Variants in SEMA5A observed in about 807,000 individuals in gnomAD.
SEMA5A encodes the protein semaphorin-5A.
A neutral mutation model predicts 135.5 loss-of-function variants in SEMA5A; 55 were observed. That is an observed-to-expected ratio of 0.41 (90% CI 0.33 to 0.51). The LOEUF (loss-of-function observed/expected upper bound fraction) is 0.51, where lower values mean the gene tolerates loss of function less well. Ranked by LOEUF, SEMA5A falls within the 20% of genes least tolerant of loss-of-function variation. The pLI, the probability that SEMA5A is intolerant of heterozygous loss-of-function variation, is 0.37. For synonymous variants in SEMA5A, 580 were observed against 546.5 expected, an observed-to-expected ratio of 1.06 and a Z score of -0.85; for missense variants, 1,290 against 1,419.9, an observed-to-expected ratio of 0.91 and a Z score of 1.47.
chr5:9,334,479 C>T (rs1316702389), intron 4 of SEMA5A, among the ~76,000 whole-genome samples: 3 of 152,228 alleles, frequency 2.0e-5, no homozygotes. Flanking sequence ...CATATGCACA[C>T]GTATGCGAAA....
Position 9,135,840 on chromosome 5 carries a change from A to C in SEMA5A, c.1599+664T>G, listed in dbSNP as rs189063267. On this transcript the variant is annotated intron_variant, in intron 13 of 22. Transcript: ENST00000382496. The stretch of plus-strand genomic sequence containing the variant: ...AACCCTCCAAAAACAAACAAACAAA[A>C]AAAAAGCAAAAAATATTCTAAGTAC... Among the ~76,000 whole-genome samples the C allele has an allele frequency of 1.6e-3, 242 of 152,346 alleles. 1 individual carries two copies. Among genetic ancestry groups the C allele is most frequent in the African/African-American group, 4.6e-3 (193 of 41,574 alleles).
chr5:9,170,805 T>C (rs954031887), intron 11 of SEMA5A, among the ~76,000 whole-genome samples: 4 of 152,194 alleles, frequency 2.6e-5, no homozygotes, highest in Admixed American at 1.3e-4. Context: ...TAGTTTTTTA[T>C]AGCAGCCAGG....
At chr5:9,244,794 C>G (rs1050472406) in intron 5 of SEMA5A, among the ~76,000 whole-genome samples, 4 of 152,190 alleles carry the variant, frequency 2.6e-5, no homozygotes, top group Non-Finnish European at 5.9e-5. Context: ...CTTGGCAGCC[C>G]TTGAGCTGGT....
At chr5:9,339,165 C>T (rs957937476) in intron 3 of SEMA5A, among the ~76,000 whole-genome samples, 1 of 152,052 alleles carries the variant, frequency 6.6e-6, no homozygotes, top group Non-Finnish European at 1.5e-5. Context: ...ATAATCCTTC[C>T]AGGACTTTAT....
intron 18 of SEMA5A, among the ~76,000 whole-genome samples, chr5:9,054,668 C>T (rs1386647028): frequency 6.6e-6 from 1 of 152,156 alleles, no homozygotes; most frequent in African/African-American, 2.4e-5. Flanking sequence ...CTCACCTTTG[C>T]CATCTAACTA....
chr5:9,191,868 C>A (rs969059153), intron 10 of SEMA5A, among the ~76,000 whole-genome samples: 23 of 151,012 alleles, frequency 1.5e-4, no homozygotes, highest in Admixed American at 1.2e-3. Context: ...GGGCTCAGCC[C>A]TGCCATGACC....
intron 3 of SEMA5A, among the ~76,000 whole-genome samples, chr5:9,353,498 G>A (rs534705996): frequency 6.6e-6 from 1 of 152,152 alleles, no homozygotes; most frequent in Non-Finnish European, 1.5e-5. Context: ...GACTCCAGAA[G>A]AGTAGAGGGT....
At chr5:9,352,513 G>T (rs1450155823) in intron 3 of SEMA5A, among the ~76,000 whole-genome samples, 1 of 152,144 alleles carries the variant, frequency 6.6e-6, no homozygotes, top group Non-Finnish European at 1.5e-5. Flanking sequence ...GCCTCCCAAA[G>T]TGCTGGAATT....
intron 5 of SEMA5A, among the ~76,000 whole-genome samples, chr5:9,245,377 G>A (rs1417648388): frequency 5.3e-5 from 8 of 152,122 alleles, no homozygotes; most frequent in African/African-American, 1.9e-4. Context: ...GTAGATAAGA[G>A]AGGGACTACC....
intron 2 of SEMA5A, among the ~76,000 whole-genome samples, chr5:9,386,916 G>A (rs1375419129): frequency 3.3e-5 from 5 of 152,200 alleles, no homozygotes; most frequent in Non-Finnish European, 5.9e-5. Flanking sequence ...CCATTGTGAG[G>A]TGGCTTAGGC....
chr5:9,184,443 T>C (rs1744699555), intron 11 of SEMA5A, among the ~76,000 whole-genome samples: 1 of 152,200 alleles, frequency 6.6e-6, no homozygotes, highest in Non-Finnish European at 1.5e-5. Flanking sequence ...GGCACAAGTT[T>C]TTAGCTCCAC....
chr5:9,272,812 T>C (rs183299397), intron 5 of SEMA5A, among the ~76,000 whole-genome samples: 1 of 152,050 alleles, frequency 6.6e-6, no homozygotes, highest in South Asian at 2.1e-4. Context: ...AGGAATGGTA[T>C]CAACATCAAC....
intron 11 of SEMA5A, among the ~76,000 whole-genome samples, chr5:9,168,296 C>G (rs1259352402): frequency 1.3e-5 from 2 of 152,142 alleles, no homozygotes; most frequent in Non-Finnish European, 2.9e-5. Context: ...GGACCATCGT[C>G]AATCATTAAC....
At chr5:9,491,754 C>T (rs1735017262) in intron 1 of SEMA5A, among the ~76,000 whole-genome samples, 1 of 152,138 alleles carries the variant, frequency 6.6e-6, no homozygotes, top group Non-Finnish European at 1.5e-5. Context: ...TGTTGTATTA[C>T]CACTAACATT....
intron 1 of SEMA5A, among the ~76,000 whole-genome samples, chr5:9,518,512 T>C (rs1736645519): frequency 6.6e-6 from 1 of 152,236 alleles, no homozygotes; most frequent in Non-Finnish European, 1.5e-5. Context: ...ATATCCTATT[T>C]AAAGGTTGAA....
rs546571858 is a variant in SEMA5A at position 9,204,652 on chromosome 5, A to G, written c.647-2412T>C. ...GACACTAAAGCCCAGAGATTTAATAACTTGTCCAAATTCACATAACTAGCA... is the reference window on the plus strand; with the variant it reads ...GACACTAAAGCCCAGAGATTTAATAGCTTGTCCAAATTCACATAACTAGCA... On this transcript the variant is annotated intron_variant, in intron 8 of 22. Coordinates refer to ENST00000382496, the MANE Select transcript of SEMA5A (RefSeq NM_003966.3). The surrounding 1 kb of genome is among the most constrained non-coding windows in gnomAD (Gnocchi z 6.4). Among the ~76,000 whole-genome samples, 2 of 152,262 alleles carry G rather than the reference A, an allele frequency of 1.3e-5. No homozygotes were observed. Among genetic ancestry groups the G allele is most frequent in the African/African-American group, 2.4e-5 (1 of 41,550 alleles).
rs187970887 is a variant in SEMA5A at position 9,432,232 on chromosome 5, G to A, written c.-78+5524C>T. On this transcript the variant is annotated intron_variant, in intron 2 of 22. Coordinates refer to ENST00000382496, the MANE Select transcript of SEMA5A (RefSeq NM_003966.3). The stretch of plus-strand genomic sequence containing the variant: ...TTTCCATCAGGCTGAGTACACAATC[G>A]GATGGGACTCAGGAGTGGTGTCTAC... 1.2e-4 allele frequency among the ~76,000 whole-genome samples: 19 copies of A among 152,250 alleles called. No homozygotes were observed. In the East Asian group the frequency reaches 1.5e-3, roughly 12 times the overall value.
chr5:9,430,118 T>C (rs1399080294), intron 2 of SEMA5A, among the ~76,000 whole-genome samples: 1 of 152,078 alleles, frequency 6.6e-6, no homozygotes, highest in Non-Finnish European at 1.5e-5. Flanking sequence ...AACAATAAGA[T>C]TTGTTGACAG....
At chr5:9,329,704 C>T (rs1034648249) in intron 4 of SEMA5A, among the ~76,000 whole-genome samples, 3 of 152,168 alleles carry the variant, frequency 2.0e-5, no homozygotes, top group Non-Finnish European at 2.9e-5. Flanking sequence ...TGTTGGTTTG[C>T]TCATGGGATC....
Sources: gnomAD v4.1 joint callset for allele counts (sites outside exome capture counted in the v4.1 genomes callset) on GRCh38, gnomAD v4.1.1 for gene constraint, Gnocchi (gnomAD v3.1) non-coding constraint, MANE v1.5 for transcripts, NCBI Gene and HGNC (gene_info 2026-07-23, HGNC 2026-07-21) for gene names.